AHNAK: variants seen among roughly 807,000 people sequenced by gnomAD.
The protein encoded by AHNAK is neuroblast differentiation-associated protein AHNAK.
AHNAK carries 23 observed loss-of-function variants against 37.8 expected under a neutral mutation model. That is an observed-to-expected ratio of 0.61 (90% CI 0.44 to 0.86). The LOEUF (loss-of-function observed/expected upper bound fraction) is 0.86, where lower values mean the gene tolerates loss of function less well. Among genes scored for constraint, AHNAK ranks in the 40% least tolerant of loss-of-function variants. AHNAK has a pLI of 0.00. For synonymous variants in AHNAK, 2,481 were observed against 2,636.3 expected, an observed-to-expected ratio of 0.94 and a Z score of 1.80; for missense variants, 7,411 against 7,319.4, an observed-to-expected ratio of 1.01 and a Z score of -0.46.
intron 5 of AHNAK, among the ~76,000 whole-genome samples, chr11:62,487,648 T>G (rs1272752741): frequency 1.3e-5 from 2 of 152,208 alleles, no homozygotes; most frequent in African/African-American, 4.8e-5. Flanking sequence ...AAAGCTCTGC[T>G]GCTCTCAACT....
chr11:62,473,451 T>A (rs1409410738), intron 5 of AHNAK, among the ~76,000 whole-genome samples: 1 of 149,066 alleles, frequency 6.7e-6, no homozygotes, highest in Non-Finnish European at 1.5e-5. Flanking sequence ...ATCCCAGCAC[T>A]TTGGGAGGCC....
intron 5 of AHNAK, chr11:62,491,692 T>A: frequency 6.5e-7 from 1 of 1,539,832 alleles, no homozygotes; most frequent in Non-Finnish European, 8.9e-7. Flanking sequence ...ATTATCATAA[T>A]CAAGGTCATC....
rs1940503774 is a variant in AHNAK at position 62,526,705 on chromosome 11, T to A, written c.7712A>T (p.Glu2571Val). The A allele has an allele frequency of 2.5e-6, 4 of 1,613,162 alleles. No homozygotes were observed. Among genetic ancestry groups the A allele is most frequent in the Non-Finnish European group, 2.5e-6 (3 of 1,179,896 alleles). ...KLKGPKLKMPEMNIKAPKISM... is the reference protein window; with the variant it reads ...KLKGPKLKMPVMNIKAPKISM... ...GATCTTGGGGGCTTTGATGTTCATC[T>A]CTGGCATCTTTAACTTAGGCCCTTT... is the stretch of plus-strand genomic sequence containing the variant. The change falls in exon 5 of 5, where the codon GAG (glutamate) becomes GTG (valine). Residue 2571 changes from glutamate to valine, a missense_variant. Coordinates refer to ENST00000378024, the MANE Select transcript of AHNAK (RefSeq NM_001620.3).
In AHNAK at chr11:62,531,823, T is replaced by A; in HGVS notation, c.2594A>T (p.Asp865Val). Reference protein sequence around the residue: ...KSAKMDIDVPDVEVQGPDWHL... With the variant: ...KSAKMDIDVPVVEVQGPDWHL... ...CCAGTCTGGGCCTTGAACCTCCACATCTGGGACATCAATGTCCATTTTGGC... is the reference window on the plus strand; with the variant it reads ...CCAGTCTGGGCCTTGAACCTCCACAACTGGGACATCAATGTCCATTTTGGC... The change falls in exon 5 of 5, where the codon GAT becomes GTT. Residue 865 changes from aspartate to valine, a missense_variant. By Grantham distance (152) the Asp-to-Val change is radical. Transcript: ENST00000378024. 2 of 1,613,774 alleles carry A rather than the reference T, an allele frequency of 1.2e-6. No homozygotes were observed. Among genetic ancestry groups the A allele is most frequent in the Non-Finnish European group, 1.7e-6 (2 of 1,179,976 alleles).
Position 62,522,378 on chromosome 11 carries a change from A to T in AHNAK, c.12039T>A (p.Pro4013=), listed in dbSNP as rs1304473362. 1.2e-6 allele frequency: 2 copies of T among 1,613,466 alleles called. No individual in the cohort carries two copies. The highest frequency in any genetic ancestry group is 2.7e-5 in the African/African-American group (2 of 74,642). The stretch of plus-strand genomic sequence containing the variant: ...AAACATCCACATCTCCTTTCACCTT[A>T]GGGCCTTTCAGATGCAAATCAAAGT... ...MPDFDLHLKG[P]KVKGDVDVSL... Residue 4013 remains proline, a synonymous_variant, in exon 5 of 5, where the codon CCT becomes CCA. Transcript: ENST00000378024.
chr11:62,464,689 A>G (rs555744544), intron 5 of AHNAK, among the ~76,000 whole-genome samples: 9 of 151,676 alleles, frequency 5.9e-5, no homozygotes, highest in African/African-American at 2.2e-4. Context: ...AAATTAGCCA[A>G]GTATGGTGGC....
intron 5 of AHNAK, among the ~76,000 whole-genome samples, chr11:62,479,019 A>G (rs1169876694): frequency 6.6e-6 from 1 of 151,834 alleles, no homozygotes; most frequent in Non-Finnish European, 1.5e-5. Flanking sequence ...GGAACTACAG[A>G]CACATGCCAC....
chr11:62,531,344 C>T lies in AHNAK; in HGVS notation c.3073G>A (p.Ala1025Thr). 6.2e-7 allele frequency: 1 copy of T among 1,613,808 alleles called. No individual in the cohort carries two copies. Among genetic ancestry groups the T allele is most frequent in the Non-Finnish European group, 8.5e-7 (1 of 1,179,936 alleles). ...GPEFDVNLSK[A>T]NVDISAPKVD... ...TTTGGTGCAGAAATGTCCACATTCGCTTTGGACAGGTTCACATCAAATTCT... is the reference window on the plus strand; with the variant it reads ...TTTGGTGCAGAAATGTCCACATTCGTTTTGGACAGGTTCACATCAAATTCT... The change falls in exon 5 of 5, where the codon GCG (alanine) becomes ACG (threonine). Residue 1025 changes from alanine (A) to threonine (T), a missense_variant. Ala to Thr is a moderately conservative substitution (Grantham distance 58). Coordinates refer to ENST00000378024, the MANE Select transcript of AHNAK (RefSeq NM_001620.3).
At position 62,522,219 on chromosome 11, in the gene AHNAK, G is replaced by T; in HGVS notation, c.12198C>A (p.Pro4066=). 6.2e-7 allele frequency: 1 copy of T among 1,612,610 alleles called. No homozygotes were observed. Reference sequence around the variant, plus strand: ...CTTTAAATCCTGGCATGCTGAATTTGGGCATTTTCACCTTGGGCATCTTCA... The same window carrying T: ...CTTTAAATCCTGGCATGCTGAATTTTGGCATTTTCACCTTGGGCATCTTCA... ...WHLKMPKVKM[P]KFSMPGFKGE... Residue 4066 remains proline, a synonymous_variant, in exon 5 of 5, where the codon CCC becomes CCA. Coordinates refer to ENST00000378024, the MANE Select transcript of AHNAK (RefSeq NM_001620.3).
In AHNAK at chr11:62,516,539, C is replaced by T. The variant is rs1008029907; in HGVS notation, c.*205G>A. The T allele has an allele frequency of 3.6e-5, 51 of 1,418,096 alleles. No individual in the cohort carries two copies. In the South Asian group the frequency reaches 7.5e-4, roughly 21 times the overall value. The allele number at this position is 1,418,096 out of a possible 1,614,324, so 87.8% of individuals were successfully genotyped here. On this transcript the variant is annotated 3_prime_UTR_variant, in exon 5 of 5. Coordinates refer to ENST00000378024, the MANE Select transcript of AHNAK (RefSeq NM_001620.3). ...CTGTTGACTTTGCACATGGGCTGGA[C>T]GAACTTGGAACTCTTTACCTATCTG... is the stretch of plus-strand genomic sequence containing the variant.
chr11:62,467,970 G>A (rs1352102013), intron 5 of AHNAK, among the ~76,000 whole-genome samples: 1 of 152,150 alleles, frequency 6.6e-6, no homozygotes, highest in Admixed American at 6.6e-5. Context: ...GGGGTCAAGG[G>A]CTCAAAGATG....
chr11:62,517,786 T>C lies in AHNAK; in HGVS notation c.16631A>G (p.Lys5544Arg). The change falls in exon 5 of 5, where the codon AAG becomes AGG. Residue 5544 changes from lysine (K) to arginine (R), a missense_variant. By Grantham distance (26) the Lys-to-Arg change is conservative. Coordinates refer to ENST00000378024, the MANE Select transcript of AHNAK (RefSeq NM_001620.3). ...FHGAAPDISVKGPAFNMASPE... is the reference protein window; with the variant it reads ...FHGAAPDISVRGPAFNMASPE... ...AGATGCCATATTAAAGGCAGGCCCC[T>C]TCACACTGATATCAGGAGCAGCCCC... 1 of 1,614,200 alleles carries C rather than the reference T, an allele frequency of 6.2e-7. No homozygotes were observed. Among genetic ancestry groups the C allele is most frequent in the Non-Finnish European group, 8.5e-7 (1 of 1,180,032 alleles).
At position 62,524,917 on chromosome 11, in the gene AHNAK, C is replaced by A. The variant is rs1172699479; in HGVS notation, c.9500G>T (p.Gly3167Val). 6.2e-7 allele frequency: 1 copy of A among 1,613,646 alleles called. No individual in the cohort carries two copies. The highest frequency in any genetic ancestry group is 2.2e-5 in the East Asian group (1 of 44,844). Residue 3167 changes from glycine (G) to valine (V), a missense_variant, in exon 5 of 5, where the codon GGT (glycine) becomes GTT (valine). Physicochemically the swap from Gly to Val is moderately radical, Grantham distance 109. Coordinates refer to ENST00000378024, the MANE Select transcript of AHNAK (RefSeq NM_001620.3). ...KISMPGFKGE[G>V]PEVDVNLPKA... ...GGGCAGGTTCACGTCCACTTCTGGA[C>A]CTTCTCCTTTGAAGCCAGGCATGCT...
downstream of AHNAK, among the ~76,000 whole-genome samples, chr11:62,511,546 G>A (rs758080912): frequency 6.6e-5 from 10 of 152,224 alleles, no homozygotes; most frequent in Admixed American, 3.3e-4. Flanking sequence ...ATGAGCCACC[G>A]CGTCCGGCCC....
chr11:62,540,735 C>A (rs1379258754), intron 1 of AHNAK, among the ~76,000 whole-genome samples: 1 of 152,168 alleles, frequency 6.6e-6, no homozygotes, highest in Non-Finnish European at 1.5e-5. Flanking sequence ...GCTTGGAGGG[C>A]AGAAAAGAAT....
rs773905134 is a variant in AHNAK at position 62,518,471 on chromosome 11, C to A, written c.15946G>T (p.Asp5316Tyr). 6.2e-7 allele frequency: 1 copy of A among 1,614,106 alleles called. No individual in the cohort carries two copies. Among genetic ancestry groups the A allele is most frequent in the Admixed American group, 1.7e-5 (1 of 60,014 alleles). The change falls in exon 5 of 5, where the codon GAT becomes TAT. Residue 5316 changes from aspartate to tyrosine, a missense_variant. Physicochemically the swap from Asp to Tyr is radical, Grantham distance 160. Coordinates refer to ENST00000378024, the MANE Select transcript of AHNAK (RefSeq NM_001620.3). ...LKGPSLKGDLDASVPSMKVHA... is the reference protein window; with the variant it reads ...LKGPSLKGDLYASVPSMKVHA... The stretch of plus-strand genomic sequence containing the variant: ...ACCTTCATGCTGGGAACAGATGCAT[C>A]CAGGTCTCCCTTCAAACTTGGTCCT...
chr11:62,469,441 A>G (rs940141326), intron 5 of AHNAK, among the ~76,000 whole-genome samples: 20 of 150,370 alleles, frequency 1.3e-4, no homozygotes, highest in Non-Finnish European at 5.9e-5. Flanking sequence ...ATCTTTAACT[A>G]ACTAAACATG....
At chr11:62,470,704 T>TG (rs1939018166) in intron 5 of AHNAK, among the ~76,000 whole-genome samples, 1 of 151,692 alleles carries the variant, frequency 6.6e-6, no homozygotes, top group Non-Finnish European at 1.5e-5. Flanking sequence ...GATTAAAGAG[T>TG]CCGACAGTGA....
At chr11:62,464,598 G>T (rs1286116901) in intron 5 of AHNAK, among the ~76,000 whole-genome samples, 1 of 152,036 alleles carries the variant, frequency 6.6e-6, no homozygotes, top group East Asian at 2.0e-4. Context: ...AACCCAGGAG[G>T]CGGAGGTTGC....
Sources: allele counts gnomAD v4.1 joint callset (sites outside exome capture counted in the v4.1 genomes callset), GRCh38; gene constraint gnomAD v4.1.1; transcripts MANE v1.5; gene names NCBI Gene and HGNC (gene_info 2026-07-23, HGNC 2026-07-21).